VPS45: variants seen among roughly 807,000 people sequenced by gnomAD.
VPS45 encodes the protein vacuolar protein sorting 45 homolog.
In VPS45, 35 loss-of-function variants were observed where a neutral mutation model predicts 75.9. The observed-to-expected ratio is 0.46, with a 90% CI of 0.35 to 0.61. The LOEUF (loss-of-function observed/expected upper bound fraction) is 0.61, where lower values mean the gene tolerates loss of function less well. Among genes scored for constraint, VPS45 ranks in the 20% least tolerant of loss-of-function variants. The probability of loss-of-function intolerance (pLI) is 0.00; values close to 1 mark genes in which losing one functional copy is unlikely to be tolerated. For missense variants in VPS45, 559 were observed against 685.9 expected (o/e 0.81, Z 2.07); for synonymous variants, 220 against 238.2 (o/e 0.92, Z 0.70).
chr1:150,097,532 A>T (rs1363426556), intron 13 of VPS45, among the ~76,000 whole-genome samples: 1 of 151,658 alleles, frequency 6.6e-6, no homozygotes, highest in Non-Finnish European at 1.5e-5. Context: ...CAGCCTGGCC[A>T]ACATGGTGAA....
At position 150,077,202 on chromosome 1, in the gene VPS45, G is replaced by A; in HGVS notation, c.547G>A (p.Ala183Thr). 1 of 1,614,076 alleles carries A rather than the reference G, an allele frequency of 6.2e-7. No homozygotes were observed. Among genetic ancestry groups the A allele is most frequent in the Non-Finnish European group, 8.5e-7 (1 of 1,180,010 alleles). ...PMIRYQLSSE[A>T]AKRLAECVKQ... Reference sequence around the variant, plus strand: ...GATTCGTTATCAGCTCTCATCAGAGGCAGCAAAGAGACTTGCAGAGTGCGT... The same window carrying A: ...GATTCGTTATCAGCTCTCATCAGAGACAGCAAAGAGACTTGCAGAGTGCGT... Residue 183 changes from alanine (A) to threonine (T), a missense_variant, in exon 6 of 15, where the codon GCA becomes ACA. Coordinates refer to ENST00000644510, the MANE Select transcript of VPS45 (RefSeq NM_007259.5).
At chr1:150,089,510 G>A (rs138449601) in intron 10 of VPS45, among the ~76,000 whole-genome samples, 10 of 151,968 alleles carry the variant, frequency 6.6e-5, no homozygotes, top group African/African-American at 2.2e-4. Context: ...ACAGGCACCC[G>A]CCACTACATC....
intron 14 of VPS45, among the ~76,000 whole-genome samples, chr1:150,130,927 A>G (rs1193019412): frequency 2.0e-5 from 3 of 152,160 alleles, no homozygotes; most frequent in Non-Finnish European, 2.9e-5. Context: ...CTCAATTTTC[A>G]AACGAAGAAA....
intron 13 of VPS45, among the ~76,000 whole-genome samples, chr1:150,097,046 T>G (rs1656691523): frequency 6.6e-6 from 1 of 151,490 alleles, no homozygotes; most frequent in South Asian, 2.1e-4. Context: ...CAAAGCTTTT[T>G]AAGATATATT....
At chr1:150,086,483 G>GTTT (rs368017573) in intron 10 of VPS45, among the ~76,000 whole-genome samples, 3,259 of 151,778 alleles carry the variant, frequency 0.021, 98 homozygotes, top group African/African-American at 0.074. Context: ...AAAGTGTTTG[G>GTTT]TTTTTTTGTG....
chr1:150,117,646 C>T (rs1476488908), intron 14 of VPS45, among the ~76,000 whole-genome samples: 2 of 152,212 alleles, frequency 1.3e-5, no homozygotes, highest in African/African-American at 2.4e-5. Context: ...ATTGCTTGAA[C>T]TCAGGAGTTT....
At chr1:150,115,200 C>T (rs1461627819) in intron 14 of VPS45, among the ~76,000 whole-genome samples, 2 of 152,102 alleles carry the variant, frequency 1.3e-5, no homozygotes, top group Non-Finnish European at 2.9e-5. Flanking sequence ...TTCTTCAGGT[C>T]TCTTAATCTC....
At chr1:150,082,438 G>A (rs1363772174) in intron 9 of VPS45, among the ~76,000 whole-genome samples, 4 of 150,916 alleles carry the variant, frequency 2.7e-5, no homozygotes, top group Non-Finnish European at 4.4e-5. Flanking sequence ...CCTGGGAGGC[G>A]GAGGTTGGGA....
intron 3 of VPS45, 57 bp downstream of exon 3, chr1:150,072,283 C>T: frequency 8.0e-7 from 1 of 1,255,494 alleles, no homozygotes; most frequent in Non-Finnish European, 1.1e-6. Context: ...TAGTGTGTTT[C>T]ATTGAGCCCT....
At chr1:150,113,936 C>A (rs1657783255) in intron 14 of VPS45, among the ~76,000 whole-genome samples, 1 of 152,050 alleles carries the variant, frequency 6.6e-6, no homozygotes, top group Non-Finnish European at 1.5e-5. Context: ...AAAGGCTACA[C>A]TTAATCTATT....
chr1:150,123,638 C>G (rs1241680375), intron 14 of VPS45, among the ~76,000 whole-genome samples: 4 of 152,104 alleles, frequency 2.6e-5, no homozygotes, highest in Non-Finnish European at 4.4e-5. Flanking sequence ...ACAGGTCGAT[C>G]AATATTAAAG....
intron 13 of VPS45, 192 bp from the exon 14 acceptor site, chr1:150,110,304 T>C: frequency 1.9e-6 from 1 of 512,964 alleles, no homozygotes; most frequent in South Asian, 3.3e-5. Flanking sequence ...CAAATCACTA[T>C]TCAGCATTTC....
rs587771623 is a variant in VPS45 at position 150,080,312 on chromosome 1, T to C, written c.688-1030T>C. 1.1e-4 allele frequency among the ~76,000 whole-genome samples: 17 copies of C among 152,034 alleles called. No individual in the cohort carries two copies. The East Asian group carries it at 3.3e-3, about 29-fold the overall frequency. On this transcript the variant is annotated intron_variant, in intron 7 of 14. Coordinates refer to ENST00000644510, the MANE Select transcript of VPS45 (RefSeq NM_007259.5). ...GGCATGTGCCACCATGCTCGGCTAG[T>C]TTTGTATTTTTAGTAGAGATGGGGT...
chr1:150,101,207 G>C (rs950291315), intron 13 of VPS45, among the ~76,000 whole-genome samples: 1 of 150,624 alleles, frequency 6.6e-6, no homozygotes, highest in Non-Finnish European at 1.5e-5. Context: ...GATGGAGGTT[G>C]CTGTGAGCCG....
intron 10 of VPS45, among the ~76,000 whole-genome samples, chr1:150,089,005 G>C (rs1571844520): frequency 6.6e-6 from 1 of 152,064 alleles, no homozygotes; most frequent in Non-Finnish European, 1.5e-5. Context: ...CATAATGGCT[G>C]TACTAATTTA....
Position 150,068,699 on chromosome 1 carries a change from A to G in VPS45, c.163A>G (p.Ile55Val), listed in dbSNP as rs781999062. Reference sequence around the variant, plus strand: ...GAAGGAAGTGTACCTCTTTGAACGCATTGATTCTCAAAATCGAGAGATCAT... The same window carrying G: ...GAAGGAAGTGTACCTCTTTGAACGCGTTGATTCTCAAAATCGAGAGATCAT... ...LQKEVYLFER[I>V]DSQNREIMKH... Residue 55 changes from isoleucine to valine, a missense_variant, in exon 2 of 15, where the codon ATT becomes GTT. Coordinates refer to ENST00000644510, the MANE Select transcript of VPS45 (RefSeq NM_007259.5). 3 of 1,613,522 alleles carry G rather than the reference A, an allele frequency of 1.9e-6. No homozygotes were observed. Among genetic ancestry groups the G allele is most frequent in the Non-Finnish European group, 8.5e-7 (1 of 1,179,712 alleles).
intron 10 of VPS45, 60 bp from the exon 11 acceptor site, chr1:150,091,877 C>A: frequency 6.7e-7 from 1 of 1,483,172 alleles, no homozygotes. Flanking sequence ...AGATCTAAGG[C>A]ATTGTACAAC....
chr1:150,089,551 G>C (rs1161930218), intron 10 of VPS45, among the ~76,000 whole-genome samples: 1 of 151,750 alleles, frequency 6.6e-6, no homozygotes, highest in Non-Finnish European at 1.5e-5. Flanking sequence ...TAGTAGAGAG[G>C]GAGTTTCACC....
intron 10 of VPS45, among the ~76,000 whole-genome samples, chr1:150,088,470 T>C (rs1205620323): frequency 1.7e-5 from 2 of 115,916 alleles, no homozygotes; most frequent in Non-Finnish European, 3.3e-5. Flanking sequence ...GCTATTTTCT[T>C]TTCCCTTTTT....
Sources: gnomAD v4.1 joint callset for allele counts (sites outside exome capture counted in the v4.1 genomes callset) on GRCh38, gnomAD v4.1.1 for gene constraint, MANE v1.5 for transcripts, NCBI Gene and HGNC (gene_info 2026-07-23, HGNC 2026-07-21) for gene names.